Variants in DGKB observed in about 807,000 individuals in gnomAD.
DGKB encodes diacylglycerol kinase beta.
A neutral mutation model predicts 114.3 loss-of-function variants in DGKB; 67 were observed. The ratio of observed to expected loss-of-function variants is 0.59; its 90% confidence interval spans 0.48 to 0.72. The LOEUF is 0.72. Ranked by LOEUF, DGKB falls within the 30% of genes least tolerant of loss-of-function variation. DGKB has a pLI of 0.00. For synonymous variants in DGKB, 398 were observed against 323.1 expected (o/e 1.23, Z -2.49); for missense variants, 907 against 975.2 (o/e 0.93, Z 0.93).
At chr7:14,885,189 A>G (rs111948907) in intron 1 of DGKB, among the ~76,000 whole-genome samples, 1 of 151,968 alleles carries the variant, frequency 6.6e-6, no homozygotes, top group Admixed American at 6.6e-5. Flanking sequence ...AAAGGAGAGA[A>G]TATCTACATG....
intron 20 of DGKB, among the ~76,000 whole-genome samples, chr7:14,530,692 T>C (rs1172329235): frequency 1.3e-5 from 2 of 151,482 alleles, no homozygotes; most frequent in African/African-American, 4.8e-5. Context: ...AGCAAGGTAG[T>C]TCAAACTGAC....
At chr7:14,651,116 A>G (rs975695089) in intron 13 of DGKB, among the ~76,000 whole-genome samples, 3 of 152,138 alleles carry the variant, frequency 2.0e-5, no homozygotes, top group African/African-American at 7.2e-5. Context: ...CAATCAATAG[A>G]AAAAGAGGGA....
chr7:14,443,992 C>G, intron 21 of DGKB, among the ~76,000 whole-genome samples: 1 of 151,708 alleles, frequency 6.6e-6, no homozygotes, highest in East Asian at 1.9e-4. Flanking sequence ...ACTCTATCTT[C>G]TGTTTCATTA....
intron 21 of DGKB, among the ~76,000 whole-genome samples, chr7:14,469,674 C>A (rs956187989): frequency 6.6e-6 from 1 of 151,952 alleles, no homozygotes. Flanking sequence ...AGTCCTGACT[C>A]ATTTAACCAT....
At chr7:14,549,528 C>A (rs1373501982) in intron 20 of DGKB, among the ~76,000 whole-genome samples, 1 of 151,888 alleles carries the variant, frequency 6.6e-6, no homozygotes, top group African/African-American at 2.4e-5. Flanking sequence ...TTAAATACAA[C>A]ATTTACTATT....
chr7:14,870,580 G>A (rs1187844908), intron 1 of DGKB, among the ~76,000 whole-genome samples: 6 of 152,110 alleles, frequency 3.9e-5, no homozygotes, highest in Non-Finnish European at 1.5e-5. Flanking sequence ...GGCAGATCGC[G>A]ACATCAGGCG....
At position 14,753,927 on chromosome 7, in the gene DGKB, C is replaced by T. The variant is rs1284284639; in HGVS notation, c.168+1G>A. 1 of 1,508,128 alleles carries T rather than the reference C, an allele frequency of 6.6e-7. No homozygotes were observed. Among genetic ancestry groups the T allele is most frequent in the Admixed American group, 1.9e-5 (1 of 52,564 alleles). 93.4% of individuals were successfully genotyped at this position (1,508,128 alleles called of 1,614,324 possible). On this transcript the variant is annotated splice_donor_variant, in intron 4 of 25. Transcript: ENST00000402815. LOFTEE classifies it high-confidence loss of function. ...CTTTAATAGAAAAGAAAATGTCTTA[C>T]TTGGTTAAGAATGTCTTGTTTCTGT...
At chr7:14,710,523 C>G (rs530495737) in intron 6 of DGKB, among the ~76,000 whole-genome samples, 1 of 152,116 alleles carries the variant, frequency 6.6e-6, no homozygotes, top group Non-Finnish European at 1.5e-5. Flanking sequence ...TGATCTCCAA[C>G]AGAAAGTTGA....
chr7:14,814,364 T>C (rs1189477511), intron 2 of DGKB, among the ~76,000 whole-genome samples: 1 of 152,158 alleles, frequency 6.6e-6, no homozygotes, highest in Admixed American at 6.6e-5. Flanking sequence ...ATGGGATTTT[T>C]AAAATGATAA....
chr7:14,537,539 G>T (rs1350867752), intron 20 of DGKB, among the ~76,000 whole-genome samples: 1 of 152,110 alleles, frequency 6.6e-6, no homozygotes, highest in African/African-American at 2.4e-5. Context: ...ACAGAGTAAA[G>T]AGAGTATCTT....
chr7:14,793,655 G>C lies in DGKB; in HGVS notation c.71-35924C>G, dbSNP rs576335697. On this transcript the variant is annotated intron_variant, in intron 2 of 25. Transcript: ENST00000402815. ...ATAAACCTCTCTGTGTTTATGAAGA[G>C]TATATGCATAAGCTGACAGAAAAAT... 2.0e-5 allele frequency among the ~76,000 whole-genome samples: 3 copies of C among 152,258 alleles called. No individual in the cohort carries two copies. The East Asian group carries it at 5.8e-4, about 29-fold the overall frequency.
In DGKB at chr7:14,323,843, C is replaced by T. The variant is rs1808259657; in HGVS notation, c.2122+14672G>A. ...GGCATGATTATTTCTTGTTATCTGT[C>T]CATTAAATATACATGAAACATTGTA... On this transcript the variant is annotated intron_variant, in intron 23 of 25. Coordinates refer to ENST00000402815, the MANE Select transcript of DGKB (RefSeq NM_001350709.2). 2.0e-5 allele frequency among the ~76,000 whole-genome samples: 3 copies of T among 152,126 alleles called. No individual in the cohort carries two copies. In the South Asian group the frequency reaches 6.2e-4, roughly 32 times the overall value.
chr7:14,815,959 G>A (rs1415354469), intron 2 of DGKB, among the ~76,000 whole-genome samples: 2 of 152,152 alleles, frequency 1.3e-5, no homozygotes, highest in African/African-American at 2.4e-5. Context: ...AATGGCTCAC[G>A]CTGCAAGCTG....
chr7:14,265,167 G>A (rs1797307018), intron 23 of DGKB, among the ~76,000 whole-genome samples: 1 of 146,648 alleles, frequency 6.8e-6, no homozygotes, highest in Non-Finnish European at 1.5e-5. Context: ...CTAAAAACAA[G>A]TCTAAAACAT....
At chr7:14,959,762 G>A (rs10232101) in intron 1 of DGKB, among the ~76,000 whole-genome samples, 2,830 of 147,238 alleles carry the variant, frequency 0.019, 68 homozygotes, top group African/African-American at 0.067. Context: ...TTACCACTGA[G>A]ATTAAAAAAA....
At chr7:14,186,268 C>G (rs1003015320) in intron 23 of DGKB, among the ~76,000 whole-genome samples, 3 of 152,186 alleles carry the variant, frequency 2.0e-5, no homozygotes, top group African/African-American at 7.2e-5. Context: ...GAAAAATGCT[C>G]ATCATTACTA....
chr7:14,732,763 T>C (rs1217809038), intron 5 of DGKB, among the ~76,000 whole-genome samples: 1 of 152,154 alleles, frequency 6.6e-6, no homozygotes, highest in Non-Finnish European at 1.5e-5. Flanking sequence ...CCTTTTTTTT[T>C]CCATTTTGAA....
intron 21 of DGKB, among the ~76,000 whole-genome samples, chr7:14,373,240 T>C (rs949419144): frequency 1.3e-5 from 2 of 152,202 alleles, no homozygotes; most frequent in African/African-American, 4.8e-5. Flanking sequence ...AAGTCATTGT[T>C]ATTTTGGGGC....
chr7:14,219,786 A>G (rs1369275381), intron 23 of DGKB, among the ~76,000 whole-genome samples: 1 of 151,656 alleles, frequency 6.6e-6, no homozygotes, highest in Non-Finnish European at 1.5e-5. Flanking sequence ...ATGAAGTCCA[A>G]TTTACATATT....
Sources: gnomAD v4.1 joint callset for allele counts (sites outside exome capture counted in the v4.1 genomes callset) on GRCh38, gnomAD v4.1.1 for gene constraint, MANE v1.5 for transcripts, NCBI Gene and HGNC (gene_info 2026-07-23, HGNC 2026-07-21) for gene names.